The following CCSER1 variants were observed in gnomAD, a reference collection of about 807,000 sequenced individuals.
CCSER1 encodes serine-rich coiled-coil domain-containing protein 1.
CCSER1 carries 41 observed loss-of-function variants against 82.0 expected under a neutral mutation model. That is an observed-to-expected ratio of 0.50 (90% CI 0.39 to 0.65). CCSER1 has a LOEUF of 0.65. CCSER1 is among the 30% of genes least tolerant of loss of function. CCSER1 has a pLI of 0.00. For synonymous variants in CCSER1, 414 were observed against 383.9 expected (o/e 1.08, Z -0.92); for missense variants, 1,119 against 1,064.2 (o/e 1.05, Z -0.72).
intron 7 of CCSER1, among the ~76,000 whole-genome samples, chr4:90,771,250 A>G (rs781601663): frequency 4.6e-5 from 7 of 152,130 alleles, no homozygotes; most frequent in Non-Finnish European, 1.5e-5. Context: ...AATATGAAAT[A>G]TTATTTTTCA....
Position 90,141,146 on chromosome 4 carries a change from A to G in CCSER1, c.-42+13315A>G, listed in dbSNP as rs539515541. On this transcript the variant is annotated intron_variant, in intron 1 of 10. Coordinates refer to ENST00000509176, the MANE Select transcript of CCSER1 (RefSeq NM_001145065.2). ...TGTAGAACCGACTGGAAGGCTGGAA[A>G]CTCAGGCAGGATTTTTATATTACAG... 2.6e-5 allele frequency among the ~76,000 whole-genome samples: 4 copies of G among 152,046 alleles called. No individual in the cohort carries two copies. In the East Asian group the frequency reaches 5.8e-4, roughly 22 times the overall value.
At chr4:91,241,789 A>G (rs1329997576) in intron 10 of CCSER1, among the ~76,000 whole-genome samples, 1 of 152,196 alleles carries the variant, frequency 6.6e-6, no homozygotes, top group Non-Finnish European at 1.5e-5. Context: ...ATGCAAATTA[A>G]CTAAAGTATT....
At chr4:90,873,844 C>A (rs1766865586) in intron 8 of CCSER1, among the ~76,000 whole-genome samples, 1 of 152,030 alleles carries the variant, frequency 6.6e-6, no homozygotes, top group African/African-American at 2.4e-5. Flanking sequence ...TTCTCTTTGT[C>A]CCTGATAGTG....
chr4:90,354,112 G>A lies in CCSER1; in HGVS notation c.1509+41065G>A, dbSNP rs566903579. On this transcript the variant is annotated intron_variant, in intron 3 of 10. Transcript: ENST00000509176. ...TATTAATGTAATGAAATACTATTTA[G>A]TAATAAAAAAGAAGGAATTCTGCCA... Among the ~76,000 whole-genome samples the A allele has an allele frequency of 4.0e-4, 61 of 152,060 alleles. 2 individuals carry two copies. The highest frequency in any genetic ancestry group is 2.9e-4 in the Non-Finnish European group (20 of 68,016).
chr4:90,256,881 C>G (rs1416998525), intron 1 of CCSER1, among the ~76,000 whole-genome samples: 1 of 152,052 alleles, frequency 6.6e-6, no homozygotes, highest in Non-Finnish European at 1.5e-5. Flanking sequence ...ATTTATATAA[C>G]TTTTATTACA....
chr4:90,866,107 C>A (rs1482905889), intron 8 of CCSER1, among the ~76,000 whole-genome samples: 1 of 152,000 alleles, frequency 6.6e-6, no homozygotes, highest in African/African-American at 2.4e-5. Context: ...AGAGTCCCCA[C>A]CTCTGAAATT....
chr4:91,375,004 A>G (rs912372811), intron 10 of CCSER1, among the ~76,000 whole-genome samples: 4 of 152,196 alleles, frequency 2.6e-5, no homozygotes, highest in African/African-American at 9.6e-5. Flanking sequence ...GTCAAAAAAA[A>G]AATTGTCATT....
At chr4:91,375,991 G>T (rs1750382330) in intron 10 of CCSER1, among the ~76,000 whole-genome samples, 1 of 151,962 alleles carries the variant, frequency 6.6e-6, no homozygotes, top group South Asian at 2.1e-4. Flanking sequence ...ATATTAAAAA[G>T]ATGGATTAAT....
chr4:91,256,481 G>A (rs1740692052), intron 10 of CCSER1, among the ~76,000 whole-genome samples: 1 of 152,100 alleles, frequency 6.6e-6, no homozygotes. Context: ...CCTCCCCTTT[G>A]AAAATCGCTA....
At chr4:90,856,548 A>G (rs1764483299) in intron 8 of CCSER1, among the ~76,000 whole-genome samples, 1 of 152,114 alleles carries the variant, frequency 6.6e-6, no homozygotes, top group African/African-American at 2.4e-5. Context: ...TTCAGATGCT[A>G]TGTTTTATAA....
chr4:90,831,256 T>G (rs1037816754), intron 8 of CCSER1, among the ~76,000 whole-genome samples: 1 of 152,152 alleles, frequency 6.6e-6, no homozygotes, highest in African/African-American at 2.4e-5. Context: ...TGATTATTGA[T>G]TTTTCTTTCT....
At chr4:90,736,352 C>T (rs911833050) in intron 7 of CCSER1, among the ~76,000 whole-genome samples, 4 of 151,970 alleles carry the variant, frequency 2.6e-5, no homozygotes, top group African/African-American at 9.7e-5. Context: ...CTCTCTTTAG[C>T]TCTAATAATA....
chr4:90,691,628 G>GTA (rs200880490), intron 6 of CCSER1, among the ~76,000 whole-genome samples: 10 of 151,202 alleles, frequency 6.6e-5, no homozygotes, highest in Non-Finnish European at 1.2e-4. Context: ...ATATGTGTAT[G>GTA]TATATATATC....
intron 1 of CCSER1, among the ~76,000 whole-genome samples, chr4:90,221,045 A>G (rs1742049367): frequency 6.6e-6 from 1 of 152,172 alleles, no homozygotes; most frequent in Admixed American, 6.6e-5. Flanking sequence ...TTTTTACAAA[A>G]CAATATTATC....
chr4:91,058,373 AG>A (rs935069672), intron 9 of CCSER1, among the ~76,000 whole-genome samples: 2 of 152,154 alleles, frequency 1.3e-5, no homozygotes, highest in Admixed American at 1.3e-4. Context: ...CATTATCCTT[AG>A]CAAACTAAAA....
At position 91,175,156 on chromosome 4, in the gene CCSER1, C is replaced by T. The variant is rs1301523286; in HGVS notation, c.2217+89162C>T. Reference sequence around the variant, plus strand: ...GTCCCTATAAAGGACATGAACTCATCCTTTTTTATGGCTGTATAGTGTTCC... The same window carrying T: ...GTCCCTATAAAGGACATGAACTCATTCTTTTTTATGGCTGTATAGTGTTCC... On this transcript the variant is annotated intron_variant, in intron 10 of 10. Transcript: ENST00000509176. 7.9e-5 allele frequency among the ~76,000 whole-genome samples: 12 copies of T among 152,234 alleles called. No individual in the cohort carries two copies. In the East Asian group the frequency reaches 2.3e-3, roughly 29 times the overall value.
At chr4:91,235,813 C>A (rs527788430) in intron 10 of CCSER1, among the ~76,000 whole-genome samples, 1 of 151,878 alleles carries the variant, frequency 6.6e-6, no homozygotes, top group Non-Finnish European at 1.5e-5. Flanking sequence ...TTATGTTTTC[C>A]CTAAGTATAG....
chr4:91,337,802 T>G (rs1747423531), intron 10 of CCSER1, among the ~76,000 whole-genome samples: 1 of 152,138 alleles, frequency 6.6e-6, no homozygotes, highest in Non-Finnish European at 1.5e-5. Context: ...TATTAATATA[T>G]CAGGGTTTAA....
intron 10 of CCSER1, among the ~76,000 whole-genome samples, chr4:91,172,926 A>G (rs1046050282): frequency 5.3e-5 from 8 of 152,240 alleles, no homozygotes; most frequent in Admixed American, 3.3e-4. Flanking sequence ...AAAGTGGAAA[A>G]AAAAGTTGTT....
Sources: allele counts gnomAD v4.1 joint callset (sites outside exome capture counted in the v4.1 genomes callset), GRCh38; gene constraint gnomAD v4.1.1; transcripts MANE v1.5; gene names NCBI Gene and HGNC (gene_info 2026-07-23, HGNC 2026-07-21).